INPP4B: variants seen among roughly 807,000 people sequenced by gnomAD.
The protein encoded by INPP4B is inositol polyphosphate 4-phosphatase type II.
A neutral mutation model predicts 122.5 loss-of-function variants in INPP4B; 55 were observed. That is an observed-to-expected ratio of 0.45 (90% CI 0.36 to 0.56). The LOEUF is 0.56. Among genes scored for constraint, INPP4B ranks in the 20% least tolerant of loss-of-function variants. The pLI is 0.00. For missense variants in INPP4B, 1,000 were observed against 1,097.7 expected (o/e 0.91, Z 1.26); for synonymous variants, 403 against 388.7 (o/e 1.04, Z -0.43).
At chr4:142,423,832 A>C (rs1019654363) in intron 5 of INPP4B, 3 of 438,912 alleles carry the variant, frequency 6.8e-6, no homozygotes, top group Admixed American at 2.6e-5. Flanking sequence ...AAAAAAAAAA[A>C]CCTTTATGTA....
intron 7 of INPP4B, among the ~76,000 whole-genome samples, chr4:142,342,483 C>A (rs878978862): frequency 1.3e-5 from 2 of 152,082 alleles, no homozygotes; most frequent in Admixed American, 1.3e-4. Flanking sequence ...CTACTTTCCC[C>A]AATCTCTCAA....
intron 15 of INPP4B, among the ~76,000 whole-genome samples, chr4:142,191,238 T>C (rs1430848480): frequency 6.6e-6 from 1 of 152,146 alleles, no homozygotes; most frequent in African/African-American, 2.4e-5. Context: ...CACGGGATTT[T>C]TCTTGCCTTC....
chr4:142,031,635 C>T (rs559990803), intron 25 of INPP4B, among the ~76,000 whole-genome samples: 1 of 152,218 alleles, frequency 6.6e-6, no homozygotes, highest in African/African-American at 2.4e-5. Context: ...TTCCTATTGT[C>T]AATTGTATGA....
chr4:142,605,843 AT>A (rs1434555623), intron 2 of INPP4B, among the ~76,000 whole-genome samples: 2 of 151,884 alleles, frequency 1.3e-5, no homozygotes. Flanking sequence ...CAGTATGCAG[AT>A]TTCTCAAAAA....
chr4:142,718,196 T>C (rs1048445246), intron 2 of INPP4B, among the ~76,000 whole-genome samples: 5 of 152,210 alleles, frequency 3.3e-5, no homozygotes, highest in Admixed American at 6.5e-5. Context: ...TTTGAATTTA[T>C]GAAATAGCCC....
At chr4:142,747,455 G>C (rs1768935500) in intron 1 of INPP4B, among the ~76,000 whole-genome samples, 1 of 152,132 alleles carries the variant, frequency 6.6e-6, no homozygotes, top group Admixed American at 6.6e-5. Context: ...TTGTGGAAGA[G>C]AGTGTGGTGA....
chr4:142,475,459 T>C (rs1281835918), intron 2 of INPP4B, among the ~76,000 whole-genome samples: 1 of 151,948 alleles, frequency 6.6e-6, no homozygotes, highest in African/African-American at 2.4e-5. Flanking sequence ...TAAACAACCA[T>C]ACTACTTACC....
chr4:142,159,571 A>G (rs984632773), intron 17 of INPP4B, among the ~76,000 whole-genome samples: 9 of 152,040 alleles, frequency 5.9e-5, no homozygotes, highest in Non-Finnish European at 1.3e-4. Flanking sequence ...CTTAACATCT[A>G]ATACAGCTAG....
At chr4:142,252,251 C>G (rs1002243450) in intron 11 of INPP4B, among the ~76,000 whole-genome samples, 1 of 147,038 alleles carries the variant, frequency 6.8e-6, no homozygotes, top group Non-Finnish European at 1.5e-5. Flanking sequence ...TGCAGTGGCG[C>G]GATCTCGGCT....
chr4:142,265,445 T>A (rs570113562), intron 10 of INPP4B, among the ~76,000 whole-genome samples: 1 of 152,326 alleles, frequency 6.6e-6, no homozygotes, highest in South Asian at 2.1e-4. Flanking sequence ...TAATATTAAT[T>A]GATTTTCTAT....
chr4:142,182,037 A>G (rs1311597379), intron 15 of INPP4B, among the ~76,000 whole-genome samples: 4 of 152,178 alleles, frequency 2.6e-5, no homozygotes, highest in African/African-American at 9.7e-5. Context: ...AACATTGCAC[A>G]CTTATTAAGA....
At chr4:142,230,047 G>T (rs757863442) in intron 12 of INPP4B, among the ~76,000 whole-genome samples, 7 of 152,098 alleles carry the variant, frequency 4.6e-5, no homozygotes, top group Admixed American at 3.3e-4. Context: ...CTACTTGTAA[G>T]GGTTCGTGTA....
intron 2 of INPP4B, among the ~76,000 whole-genome samples, chr4:142,479,767 C>T (rs907977261): frequency 2.0e-5 from 3 of 151,978 alleles, no homozygotes; most frequent in Admixed American, 6.6e-5. Flanking sequence ...ATTGAGTACA[C>T]GTGGACACAA....
intron 2 of INPP4B, among the ~76,000 whole-genome samples, chr4:142,467,726 C>A (rs1005743814): frequency 1.3e-5 from 2 of 151,900 alleles, no homozygotes; most frequent in African/African-American, 4.8e-5. Context: ...GGTCCAGGGG[C>A]AAAATGATAT....
intron 15 of INPP4B, among the ~76,000 whole-genome samples, chr4:142,180,617 A>G (rs1830361002): frequency 6.6e-6 from 1 of 152,184 alleles, no homozygotes; most frequent in Non-Finnish European, 1.5e-5. Flanking sequence ...TGAGTAGGTT[A>G]AGTAACTTGA....
intron 23 of INPP4B, among the ~76,000 whole-genome samples, chr4:142,089,648 A>G (rs1778556414): frequency 3.3e-5 from 1 of 30,040 alleles, no homozygotes; most frequent in South Asian, 4.2e-3. Context: ...AAAAAGAAAA[A>G]AGCTTACTTT....
intron 3 of INPP4B, among the ~76,000 whole-genome samples, chr4:142,453,859 A>G (rs888649383): frequency 6.6e-6 from 1 of 152,188 alleles, no homozygotes; most frequent in South Asian, 2.1e-4. Context: ...AAGAATAAAT[A>G]GAGTAAACAA....
rs1248852310 is a variant in INPP4B at position 142,293,039 on chromosome 4, C to CT, written c.503+12418_503+12419insA. Among the ~76,000 whole-genome samples, 8 of 84,866 alleles carry CT rather than the reference C, an allele frequency of 9.4e-5. No homozygotes were observed. The East Asian group carries it at 2.2e-3, about 23-fold the overall frequency. 55.7% of individuals were successfully genotyped at this position (84,866 alleles called of 152,430 possible). On this transcript the variant is annotated intron_variant, in intron 9 of 25. Coordinates refer to ENST00000262992, the MANE Select transcript of INPP4B (RefSeq NM_001101669.3). ...AAAGGTAATTACCTAATTTTTATAC[C>CT]CTTTTTTTTTTTTTTTAAGACAGAG...
At position 142,027,202 on chromosome 4, in the gene INPP4B, T is replaced by TA. The variant is rs1257130142; in HGVS notation, c.*1579dup. 6.6e-6 allele frequency: 1 copy of TA among 152,118 alleles called. No homozygotes were observed. Among genetic ancestry groups the TA allele is most frequent in the Non-Finnish European group, 1.5e-5 (1 of 68,006 alleles). 9.4% of individuals were successfully genotyped at this position (152,118 alleles called of 1,614,324 possible). On this transcript the variant is annotated 3_prime_UTR_variant, in exon 26 of 26. Coordinates refer to ENST00000262992, the MANE Select transcript of INPP4B (RefSeq NM_001101669.3). ...AATGCCCACAGGTAATTAGCTAAAA[T>TA]AAAAAATTGATAATTCTAGTATAAA...
Sources: gnomAD v4.1 joint callset for allele counts (sites outside exome capture counted in the v4.1 genomes callset) on GRCh38, gnomAD v4.1.1 for gene constraint, MANE v1.5 for transcripts, NCBI Gene and HGNC (gene_info 2026-07-23, HGNC 2026-07-21) for gene names.